Variants in ALMS1 observed in about 807,000 individuals in gnomAD.
ALMS1 encodes the protein ALMS1 centrosome and basal body associated protein, also known as centrosome-associated protein ALMS1.
Under a neutral mutation model 352.2 loss-of-function variants are expected in ALMS1, and 271 were observed. The ratio of observed to expected loss-of-function variants is 0.77; its 90% CI spans 0.70 to 0.85. The LOEUF is 0.85. ALMS1 is among the 40% of genes least tolerant of loss of function. ALMS1 has a pLI of 0.00. For synonymous variants in ALMS1, 1,865 were observed against 1,761.2 expected, an observed-to-expected ratio of 1.06 and a Z score of -1.48; for missense variants, 5,445 against 4,870.7, an observed-to-expected ratio of 1.12 and a Z score of -3.51.
intron 21 of ALMS1, chr2:73,603,599 C>G (rs988566505): frequency 1.3e-5 from 5 of 371,552 alleles, no homozygotes; most frequent in African/African-American, 1.1e-4. Context: ...GTGGCTCATG[C>G]CTGTAATCCC....
chr2:73,601,082 C>CT (rs1168033758), intron 18 of ALMS1, 113 bp from the exon 19 acceptor site: 1 of 1,550,850 alleles, frequency 6.4e-7, no homozygotes, highest in Non-Finnish European at 8.8e-7. Flanking sequence ...CCTGTGGCCT[C>CT]TGACAGCTGA....
At chr2:73,436,922 T>G (rs1671614854) in intron 7 of ALMS1, among the ~76,000 whole-genome samples, 1 of 152,230 alleles carries the variant, frequency 6.6e-6, no homozygotes, top group Non-Finnish European at 1.5e-5. Flanking sequence ...TGTGAAGGGG[T>G]CACACTTTCT....
chr2:73,533,247 C>T (rs915599808), intron 11 of ALMS1, among the ~76,000 whole-genome samples: 24 of 152,212 alleles, frequency 1.6e-4, no homozygotes, highest in Admixed American at 1.4e-3. Flanking sequence ...AGGTTGCATA[C>T]GCCCAAGTCA....
rs779615407 is a variant in ALMS1 at position 73,386,033 on chromosome 2, C to T, written c.165C>T (p.Asp55=). Residue 55 remains aspartate (D), a synonymous_variant, in exon 1 of 23, where the codon GAC becomes GAT. Transcript: ENST00000613296. Reference sequence around the variant, plus strand: ...AGGAAGAGGCGGGGCGGGAGTTGGACTCCGACTCTCACTACGGGCCCCAGC... The same window carrying T: ...AGGAAGAGGCGGGGCGGGAGTTGGATTCCGACTCTCACTACGGGCCCCAGC... The part of the protein sequence containing the change: ...EVEEEAGREL[D]SDSHYGPQHL... 1.0e-5 allele frequency: 16 copies of T among 1,560,784 alleles called. No individual in the cohort carries two copies. In the South Asian group the frequency reaches 1.9e-4, roughly 18 times the overall value.
chr2:73,561,355 G>A (rs904985116), intron 15 of ALMS1, among the ~76,000 whole-genome samples: 3 of 152,174 alleles, frequency 2.0e-5, no homozygotes, highest in Non-Finnish European at 4.4e-5. Flanking sequence ...AAGGAGTGCT[G>A]GGAGAGTCTC....
At chr2:73,582,202 A>G (rs1378177732) in intron 16 of ALMS1, among the ~76,000 whole-genome samples, 3 of 152,168 alleles carry the variant, frequency 2.0e-5, no homozygotes, top group East Asian at 1.9e-4. Flanking sequence ...TTCCCACCCA[A>G]TCTGAAGGTC....
chr2:73,596,596 C>T (rs1011151059), intron 16 of ALMS1, among the ~76,000 whole-genome samples: 8 of 151,902 alleles, frequency 5.3e-5, no homozygotes, highest in South Asian at 2.1e-4. Context: ...TTCAGCCTTC[C>T]GAGTAGCTGG....
chr2:73,507,005 C>T (rs905437334), intron 10 of ALMS1, among the ~76,000 whole-genome samples: 8 of 152,104 alleles, frequency 5.3e-5, no homozygotes, highest in Non-Finnish European at 8.8e-5. Flanking sequence ...TGAATTTTAT[C>T]GAAGGCCTTT....
intron 10 of ALMS1, among the ~76,000 whole-genome samples, chr2:73,504,527 A>T (rs6706333): frequency 0.022 from 3,384 of 152,270 alleles, 127 homozygotes; most frequent in Admixed American, 0.089. Context: ...ACATAGATGG[A>T]ACATAACATG....
chr2:73,396,922 G>T (rs1480920313), intron 1 of ALMS1, among the ~76,000 whole-genome samples: 2 of 152,138 alleles, frequency 1.3e-5, no homozygotes, highest in African/African-American at 4.8e-5. Context: ...AGGATTACAG[G>T]CTTGAGCTAC....
intron 4 of ALMS1, among the ~76,000 whole-genome samples, chr2:73,423,902 A>C (rs1196971937): frequency 6.6e-6 from 1 of 151,674 alleles, no homozygotes; most frequent in African/African-American, 2.4e-5. Context: ...CTTAGCCTCC[A>C]CAGCAGCTAG....
In ALMS1 at chr2:73,448,956, C is replaced by T; in HGVS notation, c.2429C>T (p.Ala810Val). ...KTGLPTVPSS[A>V]YSHREKLLVF... ...GGCCTACCAACAGTACCCTCTAGTG[C>T]ATACTCACACAGAGAGAAGCTCCTT... Residue 810 changes from alanine (A) to valine (V), a missense_variant, in exon 8 of 23, where the codon GCA (alanine) becomes GTA (valine). Ala to Val is a moderately conservative substitution (Grantham distance 64, BLOSUM62 0). Coordinates refer to ENST00000613296, the MANE Select transcript of ALMS1 (RefSeq NM_001378454.1). The T allele has an allele frequency of 1.2e-6, 2 of 1,614,094 alleles. No individual in the cohort carries two copies. The highest frequency in any genetic ancestry group is 1.7e-6 in the Non-Finnish European group (2 of 1,179,972).
At chr2:73,394,333 G>A (rs1358420907) in intron 1 of ALMS1, among the ~76,000 whole-genome samples, 1 of 152,008 alleles carries the variant, frequency 6.6e-6, no homozygotes, top group East Asian at 1.9e-4. Context: ...TGGGAGTATG[G>A]TCATCTTGAT....
chr2:73,414,198 C>T (rs12995433), intron 2 of ALMS1, among the ~76,000 whole-genome samples: 86,602 of 151,954 alleles, frequency 0.57, 26,025 homozygotes, highest in East Asian at 0.77. Flanking sequence ...TTAATGTCTT[C>T]ATCAATGTTT....
chr2:73,471,489 C>G (rs1672466792), intron 9 of ALMS1, among the ~76,000 whole-genome samples: 1 of 36,164 alleles, frequency 2.8e-5, no homozygotes, highest in Non-Finnish European at 4.6e-5. Flanking sequence ...TGCAACTCAA[C>G]AGCCAAAAAA....
intron 10 of ALMS1, among the ~76,000 whole-genome samples, chr2:73,502,490 C>T (rs1673237718): frequency 6.6e-6 from 1 of 152,034 alleles, no homozygotes; most frequent in African/African-American, 2.4e-5. Context: ...GTTCCCTATT[C>T]CTGGAGGGCA....
At chr2:73,416,831 C>T (rs779089383) in intron 2 of ALMS1, among the ~76,000 whole-genome samples, 93 of 152,104 alleles carry the variant, frequency 6.1e-4, no homozygotes, top group Non-Finnish European at 6.9e-4. Flanking sequence ...CATAAAGACT[C>T]AAAAACTTGT....
intron 7 of ALMS1, among the ~76,000 whole-genome samples, chr2:73,441,109 A>G (rs1411896310): frequency 6.6e-6 from 1 of 152,184 alleles, no homozygotes; most frequent in South Asian, 2.1e-4. Flanking sequence ...CCCTGGACCA[A>G]CTGGTGTCAG....
At chr2:73,577,854 T>G (rs1270068658) in intron 16 of ALMS1, among the ~76,000 whole-genome samples, 1 of 152,202 alleles carries the variant, frequency 6.6e-6, no homozygotes, top group Non-Finnish European at 1.5e-5. Flanking sequence ...GAATGTGTAT[T>G]CTGTTGCTGT....
Sources: gnomAD v4.1 joint callset for allele counts (sites outside exome capture counted in the v4.1 genomes callset) on GRCh38, gnomAD v4.1.1 for gene constraint, MANE v1.5 for transcripts, NCBI Gene and HGNC (gene_info 2026-07-23, HGNC 2026-07-21) for gene names.